Variants in SBF2 observed in about 807,000 individuals in gnomAD.
The protein encoded by SBF2 is myotubularin-related protein 13.
Under a neutral mutation model 225.2 loss-of-function variants are expected in SBF2, and 112 were observed. The observed-to-expected ratio is 0.50, with a 90% CI of 0.43 to 0.58. The LOEUF (loss-of-function observed/expected upper bound fraction) is 0.58. Among genes scored for constraint, SBF2 ranks in the 20% least tolerant of loss-of-function variants. SBF2 has a pLI of 0.00. For synonymous variants in SBF2, 763 were observed against 773.3 expected (o/e 0.99, Z 0.22); for missense variants, 1,996 against 2,206.2 (o/e 0.90, Z 1.91).
rs539437246 is a variant in SBF2, at chr11:10,288,197, G to C, written c.55+5818C>G. Among the ~76,000 whole-genome samples, 6 of 152,324 alleles carry C rather than the reference G, an allele frequency of 3.9e-5. No homozygotes were observed. In the South Asian group the frequency reaches 1.2e-3, roughly 32 times the overall value. ...CCTTCACCTGCAACATGGTGAGCAA[G>C]GGGCATGTTTCAGCTCTGCTTGTGT... is the stretch of plus-strand genomic sequence containing the variant. On this transcript the variant is annotated intron_variant, in intron 1 of 39. Transcript: ENST00000256190.
At chr11:9,991,348 A>C (rs1375229381) in intron 12 of SBF2, among the ~76,000 whole-genome samples, 3 of 152,176 alleles carry the variant, frequency 2.0e-5, no homozygotes, top group African/African-American at 7.2e-5. Context: ...CCTCTTCTTT[A>C]AAAATTCTTA....
chr11:10,080,173 G>A (rs1216564494), intron 2 of SBF2, among the ~76,000 whole-genome samples: 5 of 150,190 alleles, frequency 3.3e-5, no homozygotes, highest in African/African-American at 9.8e-5. Flanking sequence ...GCTTGAACCC[G>A]GGAGGCAGAG....
chr11:10,261,856 A>G (rs1961464833), intron 1 of SBF2, among the ~76,000 whole-genome samples: 1 of 152,214 alleles, frequency 6.6e-6, no homozygotes, highest in Non-Finnish European at 1.5e-5. Flanking sequence ...GAGTGAAAGA[A>G]GCCTTACATA....
At chr11:10,237,073 G>A (rs2135451191) in intron 1 of SBF2, among the ~76,000 whole-genome samples, 1 of 152,326 alleles carries the variant, frequency 6.6e-6, no homozygotes, top group African/African-American at 2.4e-5. Context: ...CAGGCACAAA[G>A]GAATGTGGAA....
intron 2 of SBF2, among the ~76,000 whole-genome samples, chr11:10,054,485 TAAGG>T (rs1395157875): frequency 6.6e-6 from 1 of 152,156 alleles, no homozygotes; most frequent in East Asian, 1.9e-4. Context: ...ATGAACAGAT[TAAGG>T]CTTTACATTT....
intron 17 of SBF2, among the ~76,000 whole-genome samples, chr11:9,868,003 T>A (rs566720631): frequency 7.9e-5 from 12 of 152,210 alleles, no homozygotes; most frequent in African/African-American, 2.9e-4. Context: ...ATAGCTAGAT[T>A]TGAAATGTTC....
At chr11:10,301,986 T>C (rs1174434210) in intron 1 of SBF2, among the ~76,000 whole-genome samples, 1 of 152,256 alleles carries the variant, frequency 6.6e-6, no homozygotes, top group Non-Finnish European at 1.5e-5. Flanking sequence ...ACAAGGATTT[T>C]TTTTTCTTTT....
chr11:10,040,653 A>G (rs1312717154), intron 3 of SBF2, among the ~76,000 whole-genome samples: 3 of 151,996 alleles, frequency 2.0e-5, no homozygotes, highest in African/African-American at 7.2e-5. Context: ...TATTGATGTT[A>G]AATTTCCTGA....
chr11:10,173,213 G>C (rs983656872), intron 2 of SBF2, among the ~76,000 whole-genome samples: 1 of 152,198 alleles, frequency 6.6e-6, no homozygotes, highest in Non-Finnish European at 1.5e-5. Context: ...GAGCGACGCA[G>C]AAGACGGGTG....
intron 16 of SBF2, among the ~76,000 whole-genome samples, chr11:9,932,990 GGT>G: frequency 7.5e-6 from 1 of 132,982 alleles, no homozygotes; most frequent in South Asian, 2.5e-4. Flanking sequence ...AAAAAAAACA[GGT>G]GTTGCAATCC....
At chr11:10,208,561 G>A (rs748553464) in intron 1 of SBF2, among the ~76,000 whole-genome samples, 6 of 151,978 alleles carry the variant, frequency 3.9e-5, no homozygotes, top group African/African-American at 9.7e-5. Flanking sequence ...CGGTGAAGAC[G>A]TGTGGCAGGA....
In SBF2 at chr11:9,874,644, C is replaced by T. The variant is rs552979451; in HGVS notation, c.1930-16248G>A. Among the ~76,000 whole-genome samples, 52 of 152,242 alleles carry T rather than the reference C, an allele frequency of 3.4e-4. 1 individual carries two copies. Among genetic ancestry groups the T allele is most frequent in the Middle Eastern group, 6.8e-3 (2 of 294 alleles). On this transcript the variant is annotated intron_variant, in intron 17 of 39. Coordinates refer to ENST00000256190, the MANE Select transcript of SBF2 (RefSeq NM_030962.4). The stretch of plus-strand genomic sequence containing the variant: ...ACTTTCTAAGGGTTTTATTTTGATG[C>T]TGTGGTCTTCTGAGAATGAGTGACA...
At chr11:10,058,075 G>A (rs1428913132) in intron 2 of SBF2, among the ~76,000 whole-genome samples, 1 of 152,168 alleles carries the variant, frequency 6.6e-6, no homozygotes, top group Non-Finnish European at 1.5e-5. Context: ...AACAGTGCGA[G>A]AACTCTGTTA....
chr11:10,081,789 G>T (rs1346073387), intron 2 of SBF2, among the ~76,000 whole-genome samples: 1 of 149,334 alleles, frequency 6.7e-6, no homozygotes, highest in Non-Finnish European at 1.5e-5. Context: ...AAGAAATATT[G>T]CACATTAGCA....
In SBF2 at chr11:10,223,295, G is replaced by A. The variant is rs554439191; in HGVS notation, c.56-29308C>T. Among the ~76,000 whole-genome samples, 19 of 150,340 alleles carry A rather than the reference G, an allele frequency of 1.3e-4. No individual in the cohort carries two copies. The East Asian group carries it at 3.5e-3, about 28-fold the overall frequency. ...GGAGTTAGGAACCCCAACCCCTAGA[G>A]CCGTCAAAAATCTGCACATAACTTT... On this transcript the variant is annotated intron_variant, in intron 1 of 39. Transcript: ENST00000256190.
intron 13 of SBF2, among the ~76,000 whole-genome samples, chr11:9,982,153 G>A (rs1371945128): frequency 6.6e-6 from 1 of 152,038 alleles, no homozygotes; most frequent in East Asian, 1.9e-4. Flanking sequence ...GTGGTCACTT[G>A]TCAATTTGCT....
At chr11:10,293,948 G>GACGCCCGGCCCCGACGCCCGGCCC (rs1964345190) in intron 1 of SBF2, 67 bp downstream of exon 1, 11 of 1,178,038 alleles carry the variant, frequency 9.3e-6, no homozygotes, top group Non-Finnish European at 1.1e-5. Flanking sequence ...GCCCGGCCCC[G>GACGCCCGGCCCCGACGCCCGGCCC]CGGAGCCCAC....
intron 13 of SBF2, among the ~76,000 whole-genome samples, chr11:9,971,172 C>T (rs1867303829): frequency 6.6e-6 from 1 of 151,646 alleles, no homozygotes. Context: ...TGGTTTCTAT[C>T]TATATTTTCT....
chr11:9,908,716 A>G lies in SBF2; in HGVS notation c.1861-12705T>C, dbSNP rs149998949. 5.5e-3 allele frequency among the ~76,000 whole-genome samples: 717 copies of G among 131,082 alleles called. 14 individuals carry two copies. In the East Asian group the frequency reaches 0.069, roughly 13 times the overall value. The allele number at this position is 131,082 out of a possible 152,430, so 86.0% of individuals were successfully genotyped here. A position where few individuals can be genotyped will look rare whatever the true frequency, so the allele number is the denominator to read the frequency against. ...TGTTGCTGTTGTTGTTGTTTTAGAA[A>G]GGGCAGGGTCTCACTCTGTCCCCCA... On this transcript the variant is annotated intron_variant, in intron 16 of 39. Coordinates refer to ENST00000256190, the MANE Select transcript of SBF2 (RefSeq NM_030962.4).
Sources: allele counts gnomAD v4.1 joint callset (sites outside exome capture counted in the v4.1 genomes callset), GRCh38; gene constraint gnomAD v4.1.1; transcripts MANE v1.5; gene names NCBI Gene and HGNC (gene_info 2026-07-23, HGNC 2026-07-21).